The following CCDC192 variants were observed in gnomAD, a reference collection of about 807,000 sequenced individuals.
The protein encoded by CCDC192 is coiled-coil domain containing 192, also known as coiled-coil domain-containing protein 192.
chr5:127,857,859 G>A (rs891532064), intron 5 of CCDC192: 2 of 152,100 alleles, frequency 1.3e-5, no homozygotes, highest in African/African-American at 2.4e-5. Flanking sequence ...TAAGGGTAAC[G>A]TGTTGTATAT....
intron 5 of CCDC192, among the ~76,000 whole-genome samples, chr5:127,840,926 A>G (rs1750254608): frequency 6.6e-6 from 1 of 152,204 alleles, no homozygotes; most frequent in Admixed American, 6.5e-5. Context: ...TTCAGCTAGG[A>G]AGTGAAGTAA....
intron 5 of CCDC192, among the ~76,000 whole-genome samples, chr5:127,823,213 A>G (rs1313212875): frequency 1.3e-5 from 2 of 152,160 alleles, no homozygotes; most frequent in East Asian, 3.9e-4. Flanking sequence ...TGTCTCTCCC[A>G]CACTTTGTAC....
In CCDC192 at chr5:127,782,997, G is replaced by T. The variant is rs866125174; in HGVS notation, c.223-14106G>T. ...GCCTTTGCTGTATCTTAGAGGTGGG[G>T]TTTTTTTTTTTTTTTTAAGACGGAG... On this transcript the variant is annotated intron_variant, in intron 3 of 6. Transcript: ENST00000514853. 2.0e-3 allele frequency among the ~76,000 whole-genome samples: 276 copies of T among 138,798 alleles called. 1 individual carries two copies. Among genetic ancestry groups the T allele is most frequent in the Admixed American group, 4.3e-3 (59 of 13,716 alleles). 91.1% of individuals were successfully genotyped at this position (138,798 alleles called of 152,430 possible).
chr5:127,918,216 T>TAAAAAAAAAAAAAAAAAAAAAAAAA (rs1219307107), intron 6 of CCDC192, among the ~76,000 whole-genome samples: 12 of 100,394 alleles, frequency 1.2e-4, no homozygotes, highest in African/African-American at 4.5e-4. Flanking sequence ...CTTCAATTTG[T>TAAAAAAAAAAAAAAAAAAAAAAAAA]AAAAAAAAAA....
intron 3 of CCDC192, among the ~76,000 whole-genome samples, chr5:127,755,868 A>T (rs923194286): frequency 6.6e-6 from 1 of 151,962 alleles, no homozygotes; most frequent in African/African-American, 2.4e-5. Context: ...ATTCACTCAT[A>T]AAAGTACCCA....
intron 5 of CCDC192, among the ~76,000 whole-genome samples, chr5:127,840,092 T>A (rs1279655763): frequency 1.3e-5 from 2 of 152,202 alleles, no homozygotes; most frequent in Non-Finnish European, 2.9e-5. Flanking sequence ...GGTTGATGTT[T>A]CAATTTGAGA....
intron 2 of CCDC192, chr5:127,739,514 C>A (rs185351880): frequency 2.5e-5 from 4 of 161,438 alleles, no homozygotes; most frequent in Non-Finnish European, 4.0e-5. Flanking sequence ...CAATGGTGGG[C>A]GCCCCTCCCC....
chr5:127,762,324 C>T (rs1754976212), intron 3 of CCDC192, among the ~76,000 whole-genome samples: 1 of 152,184 alleles, frequency 6.6e-6, no homozygotes, highest in Non-Finnish European at 1.5e-5. Flanking sequence ...TCAGGAACTT[C>T]ATTAAACAAT....
chr5:127,854,014 A>G (rs189052334), intron 5 of CCDC192, among the ~76,000 whole-genome samples: 1 of 152,230 alleles, frequency 6.6e-6, no homozygotes, highest in Admixed American at 6.5e-5. Context: ...TCATGAAACC[A>G]TTTAAATCTT....
intron 6 of CCDC192, among the ~76,000 whole-genome samples, chr5:127,897,982 C>T (rs1309073824): frequency 6.6e-6 from 1 of 152,148 alleles, no homozygotes; most frequent in East Asian, 1.9e-4. Context: ...AAAGTGCTCA[C>T]TTTGGCTTTA....
rs570100346 is a variant in CCDC192 at position 127,783,274 on chromosome 5, A to T, written c.223-13829A>T. 2.0e-5 allele frequency among the ~76,000 whole-genome samples: 3 copies of T among 152,248 alleles called. No homozygotes were observed. The South Asian group carries it at 6.2e-4, about 32-fold the overall frequency. Reference sequence around the variant, plus strand: ...CTCCCAAAGTGCTGGGATTACAGGCATGAGCCACTGCACCCAGCATCCCAG... The same window carrying T: ...CTCCCAAAGTGCTGGGATTACAGGCTTGAGCCACTGCACCCAGCATCCCAG... On this transcript the variant is annotated intron_variant, in intron 3 of 6. Coordinates refer to ENST00000514853, the MANE Select transcript of CCDC192 (RefSeq NM_001317938.2).
chr5:127,752,714 C>G (rs188410905), intron 2 of CCDC192, among the ~76,000 whole-genome samples: 1 of 152,182 alleles, frequency 6.6e-6, no homozygotes, highest in Non-Finnish European at 1.5e-5. Flanking sequence ...CCCCCAGCCT[C>G]GCTGCCGCCT....
intron 5 of CCDC192, among the ~76,000 whole-genome samples, chr5:127,839,865 A>T (rs1438113206): frequency 6.6e-6 from 1 of 152,160 alleles, no homozygotes; most frequent in Non-Finnish European, 1.5e-5. Context: ...CTCCATCTTA[A>T]GGCAAATTCT....
intron 2 of CCDC192, among the ~76,000 whole-genome samples, chr5:127,751,978 G>A (rs1266665003): frequency 1.3e-5 from 2 of 151,764 alleles, no homozygotes; most frequent in African/African-American, 4.8e-5. Flanking sequence ...GCTCCTTTAA[G>A]CACTTCTCTG....
intron 6 of CCDC192, among the ~76,000 whole-genome samples, chr5:127,891,395 A>G (rs568445452): frequency 2.0e-4 from 30 of 152,272 alleles, no homozygotes; most frequent in African/African-American, 4.8e-4. Context: ...TACACAAGCC[A>G]TCCGTGAGGG....
intron 5 of CCDC192, among the ~76,000 whole-genome samples, chr5:127,833,238 C>T (rs1409747695): frequency 6.6e-6 from 1 of 152,052 alleles, no homozygotes; most frequent in Non-Finnish European, 1.5e-5. Flanking sequence ...TAATTTATAC[C>T]TCTACTCTAT....
intron 5 of CCDC192, among the ~76,000 whole-genome samples, chr5:127,800,393 AAAAAAAAAC>A (rs1304257297): frequency 7.2e-6 from 1 of 139,386 alleles, no homozygotes; most frequent in Non-Finnish European, 1.6e-5. Context: ...AAAAAAAAAA[AAAAAAAAAC>A]AACAACAACA....
chr5:127,918,455 G>C (rs1335088079), intron 6 of CCDC192, among the ~76,000 whole-genome samples: 2 of 152,064 alleles, frequency 1.3e-5, no homozygotes, highest in African/African-American at 4.8e-5. Context: ...TGAGAGTAGG[G>C]ACTGGTTTTT....
chr5:127,876,569 C>T (rs1752087696), intron 6 of CCDC192, among the ~76,000 whole-genome samples: 1 of 152,190 alleles, frequency 6.6e-6, no homozygotes, highest in Non-Finnish European at 1.5e-5. Context: ...TCAAACTTCA[C>T]TCCTGCCTGG....
Sources: allele counts gnomAD v4.1 joint callset (sites outside exome capture counted in the v4.1 genomes callset), GRCh38; gene constraint gnomAD v4.1.1; transcripts MANE v1.5; gene names NCBI Gene and HGNC (gene_info 2026-07-23, HGNC 2026-07-21).